The following KIAA0753 variants were observed in gnomAD, a reference collection of about 807,000 sequenced individuals.
The protein encoded by KIAA0753 is KIAA0753, also known as protein moonraker.
KIAA0753 carries 114 observed loss-of-function variants against 116.9 expected under a neutral mutation model. The observed-to-expected ratio is 0.98, with a 90% CI of 0.84 to 1.14. KIAA0753 has a LOEUF of 1.14. Ranked by LOEUF, KIAA0753 falls within the 50% of genes most tolerant of loss-of-function variation. The pLI is 0.00. For synonymous variants in KIAA0753, 405 were observed against 413.1 expected (o/e 0.98, Z 0.24); for missense variants, 1,156 against 1,172.4 (o/e 0.99, Z 0.20).
Position 6,610,536 on chromosome 17 carries a change from TA to T in KIAA0753, c.1546-377del, listed in dbSNP as rs1232658055. ...TTTCTCTTTTTTTTTTTTTTTTTTT[TA>T]AGAGACAGGGTCTTGCTCTGTTGCC... is the stretch of plus-strand genomic sequence containing the variant. On this transcript the variant is annotated intron_variant, in intron 8 of 18. Transcript: ENST00000361413. Among the ~76,000 whole-genome samples the T allele has an allele frequency of 4.3e-3, 643 of 148,068 alleles. 4 individuals carry two copies. Among genetic ancestry groups the T allele is most frequent in the Non-Finnish European group, 7.0e-3 (467 of 66,918 alleles).
rs1207434144 is a variant in KIAA0753 at position 6,620,810 on chromosome 17, A to G, written c.1293T>C (p.Ser431=). Residue 431 remains serine, a synonymous_variant, in exon 7 of 19, where the codon TCT becomes TCC. Transcript: ENST00000361413. ...DTFPQETSRP[S]VAKQLLADKY... is the part of the protein sequence containing the mutation. ...TACCGGCAAGAAGCTGCTTTGCTACAGAAGGTCGACTTGTTTCCTGTGGGA... is the reference window on the plus strand; with the variant it reads ...TACCGGCAAGAAGCTGCTTTGCTACGGAAGGTCGACTTGTTTCCTGTGGGA... The G allele has an allele frequency of 3.1e-6, 5 of 1,614,076 alleles. No individual in the cohort carries two copies. Among genetic ancestry groups the G allele is most frequent in the Non-Finnish European group, 4.2e-6 (5 of 1,180,006 alleles).
chr17:6,609,930 A>C, intron 9 of KIAA0753, 64 bp downstream of exon 9: 1 of 1,556,802 alleles, frequency 6.4e-7, no homozygotes. Context: ...GCTACAGGTC[A>C]CCTTTGATAT....
chr17:6,579,827 C>T lies in KIAA0753; in HGVS notation c.2824G>A (p.Val942Met). ...CACATATCCTGAAGTTCAGCAGCCA[C>T]AGCACCCAGAGCTTCATCTACCAGC... ...EELVDEALGAVAAELQDMCED... is the reference protein window; with the variant it reads ...EELVDEALGAMAAELQDMCED... The change falls in exon 19 of 19, where the codon GTG (valine) becomes ATG (methionine). Residue 942 changes from valine to methionine, a missense_variant. By Grantham distance (21) the Val-to-Met change is conservative (BLOSUM62 1). Coordinates refer to ENST00000361413, the MANE Select transcript of KIAA0753 (RefSeq NM_014804.3). The T allele has an allele frequency of 6.2e-7, 1 of 1,613,930 alleles. No homozygotes were observed.
rs752517059 is a variant in KIAA0753 at position 6,628,484 on chromosome 17, T to G, written c.351A>C (p.Ile117=). The G allele has an allele frequency of 6.2e-7, 1 of 1,614,228 alleles. No homozygotes were observed. The highest frequency in any genetic ancestry group is 1.7e-5 in the Admixed American group (1 of 60,024). The change falls in exon 3 of 19, where the codon ATA becomes ATC. Residue 117 remains isoleucine (I), a synonymous_variant. Coordinates refer to ENST00000361413, the MANE Select transcript of KIAA0753 (RefSeq NM_014804.3). ...DVKRRQFEKH[I]KEHHLRSQPQ... is the part of the protein sequence containing the mutation. ...GCTGACTTCTGAGATGATGTTCTTT[T>G]ATATGTTTTTCAAATTGTCTTCGTT...
chr17:6,588,342 G>A (rs781669161), intron 18 of KIAA0753, among the ~76,000 whole-genome samples: 2 of 152,006 alleles, frequency 1.3e-5, no homozygotes, highest in Non-Finnish European at 2.9e-5. Flanking sequence ...CCAAGAAAGC[G>A]GAAGACAAGG....
intron 7 of KIAA0753, among the ~76,000 whole-genome samples, chr17:6,618,694 A>G (rs1971096574): frequency 6.6e-6 from 1 of 152,224 alleles, no homozygotes; most frequent in Non-Finnish European, 1.5e-5. Flanking sequence ...ACACTAAACT[A>G]TTAAGGTTCC....
chr17:6,591,926 G>A (rs1969098898), intron 16 of KIAA0753, among the ~76,000 whole-genome samples: 1 of 152,248 alleles, frequency 6.6e-6, no homozygotes, highest in African/African-American at 2.4e-5. Context: ...AAGAATCTGT[G>A]GCTTAGTTGA....
intron 7 of KIAA0753, among the ~76,000 whole-genome samples, chr17:6,619,755 A>G (rs1971178333): frequency 6.6e-6 from 1 of 152,210 alleles, no homozygotes; most frequent in Non-Finnish European, 1.5e-5. Context: ...TTAAAAAAAG[A>G]AAAAAGAAAA....
At chr17:6,591,720 C>T (rs1322049467) in intron 16 of KIAA0753, among the ~76,000 whole-genome samples, 2 of 152,342 alleles carry the variant, frequency 1.3e-5, no homozygotes, top group South Asian at 4.1e-4. Context: ...CTACATGATG[C>T]AACCTAACTT....
chr17:6,599,375 G>A, intron 13 of KIAA0753, 55 bp from the exon 14 acceptor site: 2 of 1,165,602 alleles, frequency 1.7e-6, no homozygotes, highest in East Asian at 2.4e-5. Flanking sequence ...GCTCCTATTA[G>A]TACAAATGAA....
chr17:6,630,408 T>C (rs1971955164), intron 2 of KIAA0753, among the ~76,000 whole-genome samples: 1 of 151,962 alleles, frequency 6.6e-6, no homozygotes, highest in Non-Finnish European at 1.5e-5. Context: ...ATAATTCTTA[T>C]GGAGGGGAAT....
chr17:6,609,438 C>T (rs1970392767), intron 9 of KIAA0753, among the ~76,000 whole-genome samples: 1 of 148,918 alleles, frequency 6.7e-6, no homozygotes, highest in African/African-American at 2.4e-5. Flanking sequence ...GGCAGCTTCT[C>T]ATTCTAATGT....
At chr17:6,584,696 T>C (rs761327946) in intron 18 of KIAA0753, among the ~76,000 whole-genome samples, 6 of 152,238 alleles carry the variant, frequency 3.9e-5, no homozygotes, top group Non-Finnish European at 8.8e-5. Flanking sequence ...GAAAGGTTTT[T>C]GCCATTCTTC....
At position 6,628,305 on chromosome 17, in the gene KIAA0753, G is replaced by A; in HGVS notation, c.530C>T (p.Ser177Leu). 1 of 1,614,136 alleles carries A rather than the reference G, an allele frequency of 6.2e-7. No homozygotes were observed. Among genetic ancestry groups the A allele is most frequent in the Non-Finnish European group, 8.5e-7 (1 of 1,180,008 alleles). Residue 177 changes from serine (S) to leucine (L), a missense_variant, in exon 3 of 19, where the codon TCA becomes TTA. Transcript: ENST00000361413. The stretch of plus-strand genomic sequence containing the variant: ...AAGATCTGACTGGCCTGGATGAGAT[G>A]AGTAAAGGTATACTTTGGCACCAGA... ...SSSGAKVYLY[S>L]SHPGQSDLTV...
intron 12 of KIAA0753, among the ~76,000 whole-genome samples, chr17:6,606,667 G>C (rs538462887): frequency 6.6e-6 from 1 of 152,212 alleles, no homozygotes; most frequent in East Asian, 1.9e-4. Flanking sequence ...TACAATTACA[G>C]ATTTTTTTCA....
chr17:6,598,965 A>G (rs1969661382), intron 14 of KIAA0753, among the ~76,000 whole-genome samples: 1 of 152,152 alleles, frequency 6.6e-6, no homozygotes, highest in Non-Finnish European at 1.5e-5. Context: ...AGGGCCACAC[A>G]GGGCACCCAC....
chr17:6,603,008 T>A (rs1373648188), intron 12 of KIAA0753, among the ~76,000 whole-genome samples: 1 of 152,168 alleles, frequency 6.6e-6, no homozygotes, highest in Non-Finnish European at 1.5e-5. Context: ...AGGCGACCAC[T>A]AAGTAAGAGA....
At chr17:6,628,070 C>T in intron 3 of KIAA0753, 47 bp downstream of exon 3, 1 of 1,547,850 alleles carries the variant, frequency 6.5e-7, no homozygotes, top group African/African-American at 1.4e-5. Context: ...TTAAACTACC[C>T]CATAATCACA....
At chr17:6,583,297 T>C (rs925510275) in intron 18 of KIAA0753, among the ~76,000 whole-genome samples, 4 of 152,242 alleles carry the variant, frequency 2.6e-5, no homozygotes, top group Non-Finnish European at 5.9e-5. Flanking sequence ...TAAGATTTTC[T>C]CTATCTGTGA....
Sources: allele counts gnomAD v4.1 joint callset (sites outside exome capture counted in the v4.1 genomes callset), GRCh38; gene constraint gnomAD v4.1.1; transcripts MANE v1.5; gene names NCBI Gene and HGNC (gene_info 2026-07-23, HGNC 2026-07-21).